The following TPD52L1 variants were observed in gnomAD, a reference collection of about 807,000 sequenced individuals.
TPD52L1 encodes the protein TPD52 like 1.
A neutral mutation model predicts 28.7 loss-of-function variants in TPD52L1; 18 were observed. The ratio of observed to expected loss-of-function variants is 0.63; its 90% confidence interval spans 0.43 to 0.93. The LOEUF (loss-of-function observed/expected upper bound fraction) is 0.93, where lower values mean the gene tolerates loss of function less well. Ranked by LOEUF, TPD52L1 falls within the 40% of genes least tolerant of loss-of-function variation. The probability of loss-of-function intolerance (pLI) is 0.00; values close to 1 mark genes in which losing one functional copy is unlikely to be tolerated. For synonymous variants in TPD52L1, 75 were observed against 88.8 expected, an observed-to-expected ratio of 0.84 and a Z score of 0.88; for missense variants, 203 against 254.8, an observed-to-expected ratio of 0.80 and a Z score of 1.39.
chr6:125,251,643 G>A (rs1340686371), intron 4 of TPD52L1, among the ~76,000 whole-genome samples: 1 of 152,108 alleles, frequency 6.6e-6, no homozygotes, highest in African/African-American at 2.4e-5. Context: ...TTAAAATGAG[G>A]TCACACTTAG....
In TPD52L1 at chr6:125,186,047, C is replaced by A. The variant is rs181919077; in HGVS notation, c.19+32077C>A. ...TAGCTGAGATTATAGATGCGTGCCA[C>A]CACGCCCGGCTAATTTTTGTATTTT... is the stretch of plus-strand genomic sequence containing the variant. On this transcript the variant is annotated intron_variant, in intron 1 of 6. Transcript: ENST00000534000. Among the ~76,000 whole-genome samples, 28 of 152,096 alleles carry A rather than the reference C, an allele frequency of 1.8e-4. No individual in the cohort carries two copies. The East Asian group carries it at 5.1e-3, about 27-fold the overall frequency.
chr6:125,154,235 C>T (rs1484736306), intron 1 of TPD52L1: 11 of 1,271,982 alleles, frequency 8.6e-6, no homozygotes, highest in Non-Finnish European at 1.1e-5. Flanking sequence ...GCTCTACCCT[C>T]TTCCGCAGCC....
At chr6:125,217,251 A>T (rs1357222516) in intron 1 of TPD52L1, among the ~76,000 whole-genome samples, 1 of 152,186 alleles carries the variant, frequency 6.6e-6, no homozygotes, top group East Asian at 1.9e-4. Context: ...TTTTGGGATG[A>T]TTCAAGCACA....
chr6:125,257,565 G>T (rs1254407676), intron 6 of TPD52L1, among the ~76,000 whole-genome samples: 1 of 152,172 alleles, frequency 6.6e-6, no homozygotes, highest in African/African-American at 2.4e-5. Flanking sequence ...ACAAACTGGG[G>T]ACTACGTATC....
At chr6:125,196,019 C>T (rs138974827) in intron 1 of TPD52L1, among the ~76,000 whole-genome samples, 52 of 152,258 alleles carry the variant, frequency 3.4e-4, no homozygotes, top group Non-Finnish European at 5.9e-4. Flanking sequence ...TTACATCATA[C>T]TATATTATTT....
In TPD52L1 at chr6:125,252,085, C is replaced by T. The variant is rs550140608; in HGVS notation, c.387-1632C>T. On this transcript the variant is annotated intron_variant, in intron 4 of 6. Transcript: ENST00000534000. ...GGGGCTTTCCCCACTCCCTTGCTGC[C>T]CCTTTGCTTTCCAGGGCTCCCTGTT... 314 of 1,534,668 alleles carry T rather than the reference C, an allele frequency of 2.0e-4. 2 individuals carry two copies. In the African/African-American group the frequency reaches 3.1e-3, roughly 15 times the overall value.
At chr6:125,183,366 C>G (rs1792351223) in intron 1 of TPD52L1, among the ~76,000 whole-genome samples, 1 of 152,150 alleles carries the variant, frequency 6.6e-6, no homozygotes, top group African/African-American at 2.4e-5. Flanking sequence ...GTAAACCCAG[C>G]TACATGGGAG....
chr6:125,192,446 T>G (rs75074292), intron 1 of TPD52L1, among the ~76,000 whole-genome samples: 3 of 152,040 alleles, frequency 2.0e-5, no homozygotes, highest in African/African-American at 7.2e-5. Context: ...TCATTCATAC[T>G]ATGTTCTTTT....
intron 6 of TPD52L1, chr6:125,260,941 A>G (rs1466312562): frequency 1.0e-4 from 4 of 38,656 alleles, no homozygotes; most frequent in South Asian, 1.0e-3. Flanking sequence ...AGAAAGAAAG[A>G]AAGAAAGAAA....
chr6:125,222,234 G>T (rs1795290602), intron 2 of TPD52L1, among the ~76,000 whole-genome samples: 1 of 152,210 alleles, frequency 6.6e-6, no homozygotes, highest in Non-Finnish European at 1.5e-5. Context: ...AGCCATCTCT[G>T]CAGTCTCACT....
At chr6:125,259,899 A>G (rs1797813642) in intron 6 of TPD52L1, 2 of 152,242 alleles carry the variant, frequency 1.3e-5, no homozygotes, top group Non-Finnish European at 2.9e-5. Context: ...TTTATCATTC[A>G]CATCTTTGCT....
rs888925802 is a variant in TPD52L1, at chr6:125,263,076, A to G, written c.*114A>G. ...CGCTGGGAAAAACCCAGGCCTTGAC[A>G]TTGTTATTCAAATGGCCCCTCCAGA... On this transcript the variant is annotated 3_prime_UTR_variant, in exon 7 of 7. Coordinates refer to ENST00000534000, the MANE Select transcript of TPD52L1 (RefSeq NM_003287.4). 5.2e-5 allele frequency: 68 copies of G among 1,313,036 alleles called. No individual in the cohort carries two copies. The highest frequency in any genetic ancestry group is 6.2e-5 in the Non-Finnish European group (61 of 990,782). The allele number at this position is 1,313,036 out of a possible 1,614,324, so 81.3% of individuals were successfully genotyped here. A position where few individuals can be genotyped will look rare whatever the true frequency, so the allele number is the denominator to read the frequency against.
In TPD52L1 at chr6:125,225,546, T is replaced by C. The variant is rs74333501; in HGVS notation, c.136-3572T>C. On this transcript the variant is annotated intron_variant, in intron 2 of 6. Coordinates refer to ENST00000534000, the MANE Select transcript of TPD52L1 (RefSeq NM_003287.4). ...TTCCTGTTAATTCATATTTAAATAATCAAGTTTAAATATCTAATATTGGGC... is the reference window on the plus strand; with the variant it reads ...TTCCTGTTAATTCATATTTAAATAACCAAGTTTAAATATCTAATATTGGGC... 4.9e-4 allele frequency among the ~76,000 whole-genome samples: 75 copies of C among 152,332 alleles called. No homozygotes were observed. The East Asian group carries it at 0.012, about 25-fold the overall frequency.
intron 3 of TPD52L1, chr6:125,234,304 A>AACACAC (rs1302382851): frequency 6.6e-6 from 1 of 152,204 alleles, no homozygotes; most frequent in Non-Finnish European, 1.5e-5. Context: ...TTTCTGCTAG[A>AACACAC]ATGGCTTTAG....
chr6:125,228,886 C>CT (rs148763392), intron 2 of TPD52L1, among the ~76,000 whole-genome samples: 271 of 148,854 alleles, frequency 1.8e-3, no homozygotes, highest in African/African-American at 5.4e-3. Flanking sequence ...TACAATCTCA[C>CT]TTTTTTTTTT....
At chr6:125,172,098 CCCTTTCTTT>C (rs1791358982) in intron 1 of TPD52L1, among the ~76,000 whole-genome samples, 8 of 77,470 alleles carry the variant, frequency 1.0e-4, no homozygotes, top group Non-Finnish European at 1.9e-4. Flanking sequence ...TTCTTTCTTT[CCCTTTCTTT>C]CTTTCTTTCT....
intron 1 of TPD52L1, among the ~76,000 whole-genome samples, chr6:125,211,328 A>C (rs141625893): frequency 1.6e-4 from 24 of 151,930 alleles, no homozygotes; most frequent in African/African-American, 5.6e-4. Context: ...TATGTTAAAG[A>C]TGTAAAATAC....
intron 1 of TPD52L1, among the ~76,000 whole-genome samples, chr6:125,196,664 C>A (rs1027663085): frequency 6.6e-6 from 1 of 152,186 alleles, no homozygotes; most frequent in Non-Finnish European, 1.5e-5. Flanking sequence ...AACTGTGTAG[C>A]AAATTTCCTT....
chr6:125,178,317 C>A (rs1283681780), intron 1 of TPD52L1, among the ~76,000 whole-genome samples: 1 of 152,058 alleles, frequency 6.6e-6, no homozygotes, highest in Non-Finnish European at 1.5e-5. Context: ...AAATAGTAAG[C>A]AACATAAATT....
Sources: allele counts gnomAD v4.1 joint callset (sites outside exome capture counted in the v4.1 genomes callset), GRCh38; gene constraint gnomAD v4.1.1; transcripts MANE v1.5; gene names NCBI Gene and HGNC (gene_info 2026-07-23, HGNC 2026-07-21).